Variants in ELAPOR1 observed in about 807,000 individuals in gnomAD.
ELAPOR1 encodes the protein endosome-lysosome associated apoptosis and autophagy regulator 1, also known as endosome/lysosome-associated apoptosis and autophagy regulator 1.
ELAPOR1 carries 77 observed loss-of-function variants against 119.7 expected under a neutral mutation model. The ratio of observed to expected loss-of-function variants is 0.64; its 90% confidence interval spans 0.54 to 0.78. ELAPOR1 has a LOEUF of 0.78. Among genes scored for constraint, ELAPOR1 ranks in the 30% least tolerant of loss-of-function variants. The pLI, the probability that ELAPOR1 is intolerant of heterozygous loss-of-function variation, is 0.00. For missense variants in ELAPOR1, 1,115 were observed against 1,270.4 expected, an observed-to-expected ratio of 0.88 and a Z score of 1.86; for synonymous variants, 481 against 487.2, an observed-to-expected ratio of 0.99 and a Z score of 0.17.
intron 1 of ELAPOR1, among the ~76,000 whole-genome samples, chr1:109,118,592 G>T (rs1230680009): frequency 1.3e-5 from 2 of 152,178 alleles, no homozygotes; most frequent in African/African-American, 4.8e-5. Flanking sequence ...TACATGGAAA[G>T]GCGTCTGTGT....
Position 109,153,699 on chromosome 1 carries a change from G to A in ELAPOR1, c.154-8195G>A, listed in dbSNP as rs528911301. ...CTGTTGCCCAGGCTGGAGTGCAATG[G>A]TGCGGTCTCGGTTCACTGCAACCTC... On this transcript the variant is annotated intron_variant, in intron 1 of 21. Coordinates refer to ENST00000369939, the MANE Select transcript of ELAPOR1 (RefSeq NM_020775.5). 1.5e-4 allele frequency among the ~76,000 whole-genome samples: 23 copies of A among 152,146 alleles called. No individual in the cohort carries two copies. The South Asian group carries it at 4.8e-3, about 32-fold the overall frequency.
At chr1:109,134,545 A>T (rs1436016847) in intron 1 of ELAPOR1, among the ~76,000 whole-genome samples, 3 of 152,122 alleles carry the variant, frequency 2.0e-5, no homozygotes, top group African/African-American at 7.2e-5. Context: ...CATAAAAAAG[A>T]ACATCTGTCC....
At chr1:109,119,587 T>C (rs1275409401) in intron 1 of ELAPOR1, among the ~76,000 whole-genome samples, 1 of 152,116 alleles carries the variant, frequency 6.6e-6, no homozygotes, top group East Asian at 1.9e-4. Context: ...TATAGAGTTA[T>C]AACATTTGCT....
At chr1:109,144,697 G>A (rs185644872) in intron 1 of ELAPOR1, among the ~76,000 whole-genome samples, 4 of 152,044 alleles carry the variant, frequency 2.6e-5, no homozygotes, top group Admixed American at 6.6e-5. Flanking sequence ...AGCCCAGATC[G>A]TGCCACTACA....
At position 109,196,669 on chromosome 1, in the gene ELAPOR1, T is replaced by G. The variant is rs115481146; in HGVS notation, c.2122-805T>G. ...ACAATCTAGAAAAAAAAAAAAAGGCTGAGACACCAGATTTAGCACTTTTTT... is the reference window on the plus strand; with the variant it reads ...ACAATCTAGAAAAAAAAAAAAAGGCGGAGACACCAGATTTAGCACTTTTTT... On this transcript the variant is annotated intron_variant, in intron 15 of 21. Transcript: ENST00000369939. Among the ~76,000 whole-genome samples, 244 of 147,194 alleles carry G rather than the reference T, an allele frequency of 1.7e-3. 1 individual carries two copies. Among genetic ancestry groups the G allele is most frequent in the African/African-American group, 5.7e-3 (231 of 40,386 alleles).
In ELAPOR1 at chr1:109,192,802, A is replaced by T. The variant is rs775965302; in HGVS notation, c.1875A>T (p.Thr625=). The change falls in exon 14 of 22, where the codon ACA becomes ACT. Residue 625 remains threonine, a synonymous_variant. Coordinates refer to ENST00000369939, the MANE Select transcript of ELAPOR1 (RefSeq NM_020775.5). ...SGTCHSCPTN[T]ILKAHQPYGV... ...CCTGCCACTCCTGCCCCACTAACAC[A>T]ATTCTGAAAGCCCACCAGCCTTATG... 3.1e-6 allele frequency: 5 copies of T among 1,613,820 alleles called. No homozygotes were observed. The highest frequency in any genetic ancestry group is 4.2e-6 in the Non-Finnish European group (5 of 1,180,012).
intron 11 of ELAPOR1, among the ~76,000 whole-genome samples, chr1:109,191,076 T>TA (rs1383454015): frequency 3.3e-5 from 5 of 152,246 alleles, no homozygotes; most frequent in African/African-American, 1.2e-4. Context: ...AGTGAGGTGA[T>TA]ACAGCATTTT....
chr1:109,163,771 A>G (rs649539), intron 2 of ELAPOR1, among the ~76,000 whole-genome samples: 85,561 of 152,008 alleles, frequency 0.56, 24,299 homozygotes, highest in Non-Finnish European at 0.61. Context: ...TTAGGAGGAT[A>G]TTGCAATGAT....
At position 109,161,988 on chromosome 1, in the gene ELAPOR1, C is replaced by G; in HGVS notation, c.248C>G (p.Pro83Arg). The part of the protein sequence containing the change: ...PHTPGLCTSL[P>R]DPIKGTECSF... ...ACCCCGGGCCTGTGCACCAGCCTGCCTGACCCCATCAAGGGCACCGAGTGC... is the reference window on the plus strand; with the variant it reads ...ACCCCGGGCCTGTGCACCAGCCTGCGTGACCCCATCAAGGGCACCGAGTGC... Residue 83 changes from proline to arginine, a missense_variant, in exon 2 of 22, where the codon CCT becomes CGT. Transcript: ENST00000369939. The G allele has an allele frequency of 6.2e-7, 1 of 1,613,558 alleles. No individual in the cohort carries two copies. Among genetic ancestry groups the G allele is most frequent in the Non-Finnish European group, 8.5e-7 (1 of 1,179,530 alleles).
At chr1:109,124,592 T>C (rs1648655918) in intron 1 of ELAPOR1, among the ~76,000 whole-genome samples, 1 of 152,220 alleles carries the variant, frequency 6.6e-6, no homozygotes, top group Non-Finnish European at 1.5e-5. Flanking sequence ...AAATGAGGAT[T>C]CTTTGACCAA....
chr1:109,116,709 C>T (rs1341415228), intron 1 of ELAPOR1, among the ~76,000 whole-genome samples: 1 of 119,484 alleles, frequency 8.4e-6, no homozygotes, highest in African/African-American at 3.4e-5. Context: ...TTTGGTGAGA[C>T]AGAGTCTGGC....
chr1:109,197,433 A>G, intron 15 of ELAPOR1, 41 bp from the exon 16 acceptor site: 1 of 1,578,792 alleles, frequency 6.3e-7, no homozygotes, highest in Non-Finnish European at 8.7e-7. Flanking sequence ...CTCTGTGACC[A>G]CTCACTTCTT....
chr1:109,189,756 T>A, intron 11 of ELAPOR1, 74 bp downstream of exon 11: 1 of 1,128,442 alleles, frequency 8.9e-7, no homozygotes, highest in Non-Finnish European at 1.3e-6. Flanking sequence ...TGGAATATTG[T>A]AGAGGAGAGG....
At chr1:109,148,538 A>G (rs1650329497) in intron 1 of ELAPOR1, among the ~76,000 whole-genome samples, 1 of 152,192 alleles carries the variant, frequency 6.6e-6, no homozygotes, top group Non-Finnish European at 1.5e-5. Context: ...CCATTTGGAG[A>G]AACAGTGCTA....
At chr1:109,116,575 T>C (rs921812618) in intron 1 of ELAPOR1, among the ~76,000 whole-genome samples, 4 of 152,056 alleles carry the variant, frequency 2.6e-5, no homozygotes, top group Non-Finnish European at 5.9e-5. Flanking sequence ...AATAAACCCA[T>C]TATTATAGTA....
intron 1 of ELAPOR1, among the ~76,000 whole-genome samples, chr1:109,140,794 A>G (rs185655652): frequency 2.6e-4 from 39 of 152,356 alleles, no homozygotes; most frequent in African/African-American, 9.4e-4. Flanking sequence ...AATTTATGAA[A>G]TATTTTAAAG....
intron 3 of ELAPOR1, among the ~76,000 whole-genome samples, chr1:109,167,633 A>T (rs538888288): frequency 1.3e-5 from 2 of 152,052 alleles, no homozygotes; most frequent in South Asian, 4.2e-4. Flanking sequence ...TTAAGAAACA[A>T]GGTCTCACTC....
chr1:109,158,319 T>TC (rs996033690), intron 1 of ELAPOR1, among the ~76,000 whole-genome samples: 2 of 151,734 alleles, frequency 1.3e-5, no homozygotes, highest in African/African-American at 4.8e-5. Flanking sequence ...CTTTTTTTTT[T>TC]TTTTTTTGGT....
At chr1:109,146,895 A>G (rs2101010838) in intron 1 of ELAPOR1, among the ~76,000 whole-genome samples, 1 of 150,270 alleles carries the variant, frequency 6.7e-6, no homozygotes. Flanking sequence ...GTAAGCCAAC[A>G]TGCCTGGCTA....
Sources: gnomAD v4.1 joint callset for allele counts (sites outside exome capture counted in the v4.1 genomes callset) on GRCh38, gnomAD v4.1.1 for gene constraint, MANE v1.5 for transcripts, NCBI Gene and HGNC (gene_info 2026-07-23, HGNC 2026-07-21) for gene names.